PDE3B: variants seen among roughly 807,000 people sequenced by gnomAD.
The protein encoded by PDE3B is phosphodiesterase 3B.
Under a neutral mutation model 116.8 loss-of-function variants are expected in PDE3B, and 66 were observed. The observed-to-expected ratio is 0.56, with a 90% confidence interval of 0.46 to 0.69. PDE3B has a LOEUF of 0.69. Among genes scored for constraint, PDE3B ranks in the 30% least tolerant of loss-of-function variants. The pLI is 0.00. For missense variants in PDE3B, 1,384 were observed against 1,368.1 expected, an observed-to-expected ratio of 1.01 and a Z score of -0.18; for synonymous variants, 595 against 533.6, an observed-to-expected ratio of 1.12 and a Z score of -1.59.
chr11:14,721,457 A>G (rs1403825329), intron 1 of PDE3B, among the ~76,000 whole-genome samples: 1 of 151,312 alleles, frequency 6.6e-6, no homozygotes, highest in Admixed American at 6.6e-5. Context: ...TCATGCTGCT[A>G]TAAAGACACA....
intron 2 of PDE3B, chr11:14,774,497 C>T (rs547097259): frequency 1.3e-5 from 2 of 152,248 alleles, no homozygotes; most frequent in East Asian, 3.9e-4. Context: ...AGTATTTTAG[C>T]ATTTGCTGGA....
At chr11:14,849,975 A>G (rs1190221818) in intron 12 of PDE3B, among the ~76,000 whole-genome samples, 2 of 152,126 alleles carry the variant, frequency 1.3e-5, no homozygotes, top group Non-Finnish European at 2.9e-5. Context: ...TGACCTAGCC[A>G]TCCCATTACT....
intron 3 of PDE3B, among the ~76,000 whole-genome samples, chr11:14,788,164 A>G (rs907610695): frequency 2.6e-5 from 4 of 151,902 alleles, no homozygotes; most frequent in African/African-American, 7.2e-5. Flanking sequence ...TTAGAACTCT[A>G]TATCGAATTT....
At chr11:14,795,399 A>G (rs1046384196) in intron 4 of PDE3B, among the ~76,000 whole-genome samples, 2 of 152,192 alleles carry the variant, frequency 1.3e-5, no homozygotes, top group Non-Finnish European at 2.9e-5. Context: ...GCCAACTATT[A>G]GTAGTCATTG....
Position 14,645,029 on chromosome 11 carries a change from G to A in PDE3B, c.954G>A (p.Ser318=), listed in dbSNP as rs764300235. Residue 318 remains serine, a synonymous_variant, in exon 1 of 16, where the codon TCG becomes TCA. Transcript: ENST00000282096. ...YGSCKIFRRP[S]LPCISREQMI... ...GTTGCAAAATATTCAGGAGACCGTC[G>A]TTGCCTTGTATTTCCAGAGAACAGG... 9 of 1,610,800 alleles carry A rather than the reference G, an allele frequency of 5.6e-6. No homozygotes were observed. The highest frequency in any genetic ancestry group is 7.6e-6 in the Non-Finnish European group (9 of 1,178,480).
At chr11:14,659,124 T>G (rs539172370) in intron 1 of PDE3B, among the ~76,000 whole-genome samples, 1 of 152,280 alleles carries the variant, frequency 6.6e-6, no homozygotes, top group South Asian at 2.1e-4. Context: ...AATGCCTCAG[T>G]TTATAGGTGA....
At position 14,771,988 on chromosome 11, in the gene PDE3B, G is replaced by C; in HGVS notation, c.1029+1G>C. On this transcript the variant is annotated splice_donor_variant, in intron 2 of 15. Transcript: ENST00000282096. LOFTEE classifies it high-confidence loss of function. ...ACAATGGTATAAGCCTCATTATCAA[G>C]TAAGTATAATTAATATCTGTGATGA... is the stretch of plus-strand genomic sequence containing the variant. The C allele has an allele frequency of 8.3e-7, 1 of 1,200,910 alleles. No individual in the cohort carries two copies. 74.4% of individuals were successfully genotyped at this position (1,200,910 alleles called of 1,614,324 possible). A position where few individuals can be genotyped will look rare whatever the true frequency, so the allele number is the denominator to read the frequency against.
chr11:14,810,995 G>C (rs1325738852), intron 5 of PDE3B, among the ~76,000 whole-genome samples: 4 of 151,622 alleles, frequency 2.6e-5, no homozygotes, highest in Non-Finnish European at 4.4e-5. Flanking sequence ...CATGTCCTTT[G>C]CCCACTTGTT....
At chr11:14,646,115 G>A (rs910810247) in intron 1 of PDE3B, among the ~76,000 whole-genome samples, 1 of 152,168 alleles carries the variant, frequency 6.6e-6, no homozygotes, top group African/African-American at 2.4e-5. Context: ...GTTTTAAGTA[G>A]GAGAGTAAGA....
intron 7 of PDE3B, among the ~76,000 whole-genome samples, chr11:14,819,430 T>C (rs1402734674): frequency 6.6e-6 from 1 of 152,196 alleles, no homozygotes; most frequent in African/African-American, 2.4e-5. Context: ...ATGAATGTAG[T>C]CTTCTTAGGT....
At chr11:14,885,763 C>T in the PDE3B span, 4 of 1,611,108 alleles carry the variant, frequency 2.5e-6, no homozygotes, top group African/African-American at 4.0e-5. Flanking sequence ...TAAATAGGTG[C>T]AAATAAACAT....
At chr11:14,820,343 A>G (rs2133951820) in intron 7 of PDE3B, among the ~76,000 whole-genome samples, 1 of 152,164 alleles carries the variant, frequency 6.6e-6, no homozygotes, top group African/African-American at 2.4e-5. Flanking sequence ...ATTCTAAGTG[A>G]AAGAAGCCAG....
At chr11:14,810,280 T>C (rs1859085296) in intron 5 of PDE3B, among the ~76,000 whole-genome samples, 1 of 151,416 alleles carries the variant, frequency 6.6e-6, no homozygotes, top group Admixed American at 6.6e-5. Context: ...ACTCGTCATC[T>C]AGCATTAGGC....
chr11:14,786,457 A>G lies in PDE3B; in HGVS notation c.1050A>G (p.Gly350=). ...PHYQNSGGGN[G]VDLSVLNEAR... ...TCTAGAATTCTGGAGGTGGAAATGG[A>G]GTTGATCTTTCAGTGCTAAATGAGG... is the stretch of plus-strand genomic sequence containing the variant. The change falls in exon 3 of 16, where the codon GGA becomes GGG. Residue 350 remains glycine, a synonymous_variant. Coordinates refer to ENST00000282096, the MANE Select transcript of PDE3B (RefSeq NM_000922.4). 2.5e-6 allele frequency: 4 copies of G among 1,611,578 alleles called. No individual in the cohort carries two copies. The highest frequency in any genetic ancestry group is 3.4e-6 in the Non-Finnish European group (4 of 1,178,264).
chr11:14,833,839 G>A (rs539074364), intron 10 of PDE3B, among the ~76,000 whole-genome samples: 4 of 152,250 alleles, frequency 2.6e-5, no homozygotes, highest in African/African-American at 7.2e-5. Flanking sequence ...ATTCAAAAAA[G>A]TGGTTGGATT....
At chr11:14,851,188 T>A (rs1847742944) in intron 12 of PDE3B, among the ~76,000 whole-genome samples, 1 of 151,984 alleles carries the variant, frequency 6.6e-6, no homozygotes, top group Admixed American at 6.6e-5. Flanking sequence ...GTGTGGTAGC[T>A]GGGTTTGTTT....
At chr11:14,731,254 G>GT (rs1856448523) in intron 1 of PDE3B, among the ~76,000 whole-genome samples, 3 of 139,834 alleles carry the variant, frequency 2.1e-5, no homozygotes, top group African/African-American at 7.9e-5. Flanking sequence ...ATTTTACTTT[G>GT]ATTTTTTTTT....
intron 12 of PDE3B, among the ~76,000 whole-genome samples, chr11:14,850,451 C>A (rs888636679): frequency 2.0e-5 from 3 of 151,728 alleles, no homozygotes; most frequent in African/African-American, 7.3e-5. Context: ...AACTAACCTG[C>A]ACATTGTGCA....
intron 5 of PDE3B, among the ~76,000 whole-genome samples, chr11:14,815,392 G>A (rs149113095): frequency 6.6e-6 from 1 of 152,242 alleles, no homozygotes; most frequent in East Asian, 1.9e-4. Context: ...AATCAGCTGG[G>A]AATGAATCGG....
Sources: allele counts gnomAD v4.1 joint callset (sites outside exome capture counted in the v4.1 genomes callset), GRCh38; gene constraint gnomAD v4.1.1; transcripts MANE v1.5; gene names NCBI Gene and HGNC (gene_info 2026-07-23, HGNC 2026-07-21).